AGBL1: variants seen among roughly 807,000 people sequenced by gnomAD.
AGBL1 encodes the protein cytosolic carboxypeptidase 4.
Under a neutral mutation model 118.9 loss-of-function variants are expected in AGBL1, and 130 were observed. The ratio of observed to expected loss-of-function variants is 1.09; its 90% CI spans 0.95 to 1.26. AGBL1 has a LOEUF of 1.26. AGBL1 is among the 50% of genes most tolerant of loss of function. The pLI, the probability that AGBL1 is intolerant of heterozygous loss-of-function variation, is 0.00. For synonymous variants in AGBL1, 555 were observed against 478.9 expected (o/e 1.16, Z -2.08); for missense variants, 1,584 against 1,298.1 (o/e 1.22, Z -3.38).
At chr15:86,354,638 T>C (rs2080683893) in intron 17 of AGBL1, among the ~76,000 whole-genome samples, 1 of 152,260 alleles carries the variant, frequency 6.6e-6, no homozygotes, top group Admixed American at 6.5e-5. Flanking sequence ...AAGTTTAGTA[T>C]ATCAAGGAAT....
At chr15:86,183,947 C>A (rs933621493) in intron 5 of AGBL1, among the ~76,000 whole-genome samples, 2 of 152,170 alleles carry the variant, frequency 1.3e-5, no homozygotes, top group Admixed American at 1.3e-4. Context: ...AGATGGCAGC[C>A]ACCCACTAAT....
chr15:86,466,149 G>C (rs999449637), intron 18 of AGBL1, among the ~76,000 whole-genome samples: 1 of 152,028 alleles, frequency 6.6e-6, no homozygotes, highest in Non-Finnish European at 1.5e-5. Context: ...CCCGATATTT[G>C]GTCTTTTCAC....
chr15:86,433,508 C>T (rs2081965204), intron 18 of AGBL1, among the ~76,000 whole-genome samples: 1 of 152,074 alleles, frequency 6.6e-6, no homozygotes, highest in Admixed American at 6.6e-5. Context: ...AAACCAGTTG[C>T]TCCCAAATCC....
downstream of AGBL1, among the ~76,000 whole-genome samples, chr15:86,918,544 T>TA (rs66578121): frequency 0.59 from 86,298 of 147,386 alleles, 27,384 homozygotes; most frequent in Non-Finnish European, 0.72. Context: ...TCTCAAAAAA[T>TA]AAAAAAAAAA....
rs1023459833 is a variant in AGBL1 at position 86,617,806 on chromosome 15, CGAGA to C, written c.2995-56462_2995-56459del. On this transcript the variant is annotated intron_variant, in intron 21 of 22. Coordinates refer to ENST00000614907, the MANE Select transcript of AGBL1 (RefSeq NM_001386094.1). ...CACACACACACACAGCCAGCCAGAGCGAGAGAGAAAGAGATTTTTTCTTAAAATG... is the reference window on the plus strand; with the variant it reads ...CACACACACACACAGCCAGCCAGAGCGAGAAAGAGATTTTTTCTTAAAATG... Among the ~76,000 whole-genome samples, 9 of 149,884 alleles carry C rather than the reference CGAGA, an allele frequency of 6.0e-5. No individual in the cohort carries two copies. In the East Asian group the frequency reaches 1.6e-3, roughly 26 times the overall value.
chr15:86,346,564 T>C (rs546710521), intron 17 of AGBL1, among the ~76,000 whole-genome samples: 1 of 152,124 alleles, frequency 6.6e-6, no homozygotes, highest in East Asian at 1.9e-4. Context: ...TTAGCCAGGA[T>C]GGTCTCGATC....
intron 23 of AGBL1, among the ~76,000 whole-genome samples, chr15:86,972,005 A>T (rs1269089805): frequency 6.6e-6 from 1 of 151,982 alleles, no homozygotes; most frequent in Non-Finnish European, 1.5e-5. Flanking sequence ...CCATGATTCT[A>T]AGTTCCCTGA....
chr15:86,294,044 C>A (rs2079591709), intron 16 of AGBL1, among the ~76,000 whole-genome samples: 1 of 152,028 alleles, frequency 6.6e-6, no homozygotes, highest in Non-Finnish European at 1.5e-5. Flanking sequence ...AATCTCTTAG[C>A]CTCTCTATGA....
Position 86,178,141 on chromosome 15 carries a change from G to A in AGBL1, c.488+19115G>A, listed in dbSNP as rs112363158. Among the ~76,000 whole-genome samples, 593 of 152,170 alleles carry A rather than the reference G, an allele frequency of 3.9e-3. 6 individuals carry two copies. Among genetic ancestry groups the A allele is most frequent in the African/African-American group, 0.014 (567 of 41,524 alleles). Reference sequence around the variant, plus strand: ...ATCCTGGCCAACGTGATGTAACCCTGTCTCTACTAAAAATACAAAAATTTA... The same window carrying A: ...ATCCTGGCCAACGTGATGTAACCCTATCTCTACTAAAAATACAAAAATTTA... On this transcript the variant is annotated intron_variant, in intron 5 of 22. Transcript: ENST00000614907.
intron 17 of AGBL1, among the ~76,000 whole-genome samples, chr15:86,360,611 T>C (rs1001265303): frequency 1.2e-4 from 18 of 152,176 alleles, no homozygotes; most frequent in African/African-American, 4.3e-4. Context: ...TAAGAAAGAC[T>C]GGTTTTAATT....
chr15:86,680,726 G>A (rs748796972), intron 22 of AGBL1, among the ~76,000 whole-genome samples: 18 of 151,072 alleles, frequency 1.2e-4, no homozygotes, highest in Non-Finnish European at 2.2e-4. Flanking sequence ...ACCATCATGC[G>A]TGGCTAATTT....
chr15:86,535,475 T>G (rs1349902435), intron 19 of AGBL1, among the ~76,000 whole-genome samples: 1 of 152,236 alleles, frequency 6.6e-6, no homozygotes, highest in Non-Finnish European at 1.5e-5. Flanking sequence ...CCCTGTGCTG[T>G]TCAAGTAATT....
chr15:86,781,736 G>C (rs1266977492), intron 22 of AGBL1, among the ~76,000 whole-genome samples: 1 of 152,068 alleles, frequency 6.6e-6, no homozygotes, highest in Non-Finnish European at 1.5e-5. Context: ...AGACAATATA[G>C]TCAAGAGTAG....
At chr15:86,391,926 A>G (rs562056925) in intron 17 of AGBL1, among the ~76,000 whole-genome samples, 1 of 152,102 alleles carries the variant, frequency 6.6e-6, no homozygotes, top group Non-Finnish European at 1.5e-5. Context: ...AAACAATTAA[A>G]CTGGACAGAC....
rs548674818 is a variant in AGBL1, at chr15:86,684,923, G to T, written c.3158+10487G>T. On this transcript the variant is annotated intron_variant, in intron 22 of 22. Coordinates refer to ENST00000614907, the MANE Select transcript of AGBL1 (RefSeq NM_001386094.1). ...GCTAAGTGGCAAACAGCTTGTATTT[G>T]ACTGAATAAAAATTAAATTTTATTT... Among the ~76,000 whole-genome samples the T allele has an allele frequency of 2.0e-5, 3 of 152,254 alleles. No homozygotes were observed. In the South Asian group the frequency reaches 6.2e-4, roughly 32 times the overall value.
chr15:86,283,365 A>G (rs2079386082), intron 16 of AGBL1, among the ~76,000 whole-genome samples: 1 of 152,050 alleles, frequency 6.6e-6, no homozygotes, highest in Admixed American at 6.6e-5. Flanking sequence ...TCATTAGCAG[A>G]GTCCATGTAT....
chr15:86,526,066 G>A (rs2083257940), intron 19 of AGBL1, among the ~76,000 whole-genome samples: 1 of 152,130 alleles, frequency 6.6e-6, no homozygotes, highest in African/African-American at 2.4e-5. Context: ...GACGTGAACA[G>A]ATATTTCTCA....
chr15:86,134,640 A>C (rs2076864212), intron 1 of AGBL1, among the ~76,000 whole-genome samples: 1 of 116,022 alleles, frequency 8.6e-6, no homozygotes, highest in African/African-American at 3.4e-5. Flanking sequence ...TTGAGATGGC[A>C]TCTCACTCTG....
rs72756211 is a variant in AGBL1 at position 86,342,493 on chromosome 15, G to A, written c.2374+47085G>A. On this transcript the variant is annotated intron_variant, in intron 17 of 22. Transcript: ENST00000614907. ...TAAAGATTAAATATTTTTTTTATTA[G>A]ATTATATTATTCACCCATTCATCCA... 8.5e-3 allele frequency among the ~76,000 whole-genome samples: 1,292 copies of A among 152,226 alleles called. 10 individuals carry two copies. Among genetic ancestry groups the A allele is most frequent in the Middle Eastern group, 0.014 (4 of 294 alleles).
Sources: gnomAD v4.1 joint callset for allele counts (sites outside exome capture counted in the v4.1 genomes callset) on GRCh38, gnomAD v4.1.1 for gene constraint, MANE v1.5 for transcripts, NCBI Gene and HGNC (gene_info 2026-07-23, HGNC 2026-07-21) for gene names.